The following FAR2 variants were observed in gnomAD, a reference collection of about 807,000 sequenced individuals.
FAR2 encodes the protein epididymis secretory protein Li 81.
Under a neutral mutation model 56.0 loss-of-function variants are expected in FAR2, and 19 were observed. The ratio of observed to expected loss-of-function variants is 0.34; its 90% CI spans 0.24 to 0.50. The LOEUF (loss-of-function observed/expected upper bound fraction) is 0.50. Among genes scored for constraint, FAR2 ranks in the 20% least tolerant of loss-of-function variants. The pLI is 0.98. For missense variants in FAR2, 508 were observed against 642.2 expected, an observed-to-expected ratio of 0.79 and a Z score of 2.26; for synonymous variants, 219 against 218.8, an observed-to-expected ratio of 1.00 and a Z score of -0.01.
chr12:29,248,459 G>A, intron 1 of FAR2, among the ~76,000 whole-genome samples: 2 of 152,164 alleles, frequency 1.3e-5, no homozygotes. Context: ...AGGGGAGGGA[G>A]TGTGCAAATA....
At chr12:29,185,033 T>C (rs549929206) in intron 1 of FAR2, among the ~76,000 whole-genome samples, 3 of 152,342 alleles carry the variant, frequency 2.0e-5, no homozygotes, top group South Asian at 2.1e-4. Context: ...GTCTGTTTCA[T>C]AGGGTTCTTT....
intron 1 of FAR2, among the ~76,000 whole-genome samples, chr12:29,204,890 T>A (rs1049595439): frequency 3.3e-5 from 5 of 152,004 alleles, no homozygotes; most frequent in Admixed American, 2.6e-4. Flanking sequence ...TCATGAGAAC[T>A]TCACTCCCAT....
chr12:29,251,561 G>C (rs975647081), intron 1 of FAR2, among the ~76,000 whole-genome samples: 2 of 152,110 alleles, frequency 1.3e-5, no homozygotes, highest in Admixed American at 6.6e-5. Flanking sequence ...CCCCTAACCT[G>C]TACTGTGGTC....
chr12:29,229,643 A>T (rs1242980931), intron 1 of FAR2, among the ~76,000 whole-genome samples: 1 of 152,230 alleles, frequency 6.6e-6, no homozygotes, highest in African/African-American at 2.4e-5. Flanking sequence ...CTTTCAGAGG[A>T]AACCATGATG....
chr12:29,307,746 G>A lies in FAR2; in HGVS notation c.634G>A (p.Glu212Lys), dbSNP rs747351921. The A allele has an allele frequency of 6.2e-7, 1 of 1,613,854 alleles. No homozygotes were observed. Among genetic ancestry groups the A allele is most frequent in the Non-Finnish European group, 8.5e-7 (1 of 1,179,920 alleles). ...TTATACCTACACCAAGGCCTTGGGA[G>A]AAATGGTGGTGCAGCAAGAGAGCAG... is the stretch of plus-strand genomic sequence containing the variant. ...NIYTYTKALG[E>K]MVVQQESRNL... The change falls in exon 5 of 12, where the codon GAA (glutamate) becomes AAA (lysine). Residue 212 changes from glutamate to lysine, a missense_variant. Coordinates refer to ENST00000536681, the MANE Select transcript of FAR2 (RefSeq NM_001271783.2).
intron 1 of FAR2, among the ~76,000 whole-genome samples, chr12:29,237,788 G>A (rs1164997939): frequency 1.3e-5 from 2 of 152,164 alleles, no homozygotes; most frequent in Non-Finnish European, 2.9e-5. Flanking sequence ...ATTTTCAAAT[G>A]AAAATTAGAG....
intron 1 of FAR2, among the ~76,000 whole-genome samples, chr12:29,204,173 G>T (rs1366481811): frequency 6.6e-6 from 1 of 152,028 alleles, no homozygotes; most frequent in Non-Finnish European, 1.5e-5. Context: ...AAGTGGGAAA[G>T]ATGTCTGCGT....
intron 1 of FAR2, among the ~76,000 whole-genome samples, chr12:29,252,120 T>A (rs892958840): frequency 1.3e-5 from 2 of 152,176 alleles, no homozygotes; most frequent in East Asian, 3.8e-4. Flanking sequence ...TTACTATTAC[T>A]GGGTTGGGGT....
chr12:29,308,711 C>CATATATATATATATATAT (rs1428729903), intron 5 of FAR2, among the ~76,000 whole-genome samples: 2 of 109,796 alleles, frequency 1.8e-5, no homozygotes, highest in African/African-American at 7.6e-5. Context: ...CACACACACA[C>CATATATATATATATATAT]ACACACACAT....
chr12:29,222,381 A>G (rs1947706142), intron 1 of FAR2, among the ~76,000 whole-genome samples: 1 of 152,202 alleles, frequency 6.6e-6, no homozygotes, highest in Admixed American at 6.5e-5. Flanking sequence ...AGACTATTGC[A>G]ATAGGGGTCA....
intron 1 of FAR2, among the ~76,000 whole-genome samples, chr12:29,161,889 A>G (rs1949784568): frequency 6.6e-6 from 1 of 151,268 alleles, no homozygotes; most frequent in Non-Finnish European, 1.5e-5. Context: ...AAGATTGAGC[A>G]CCTTTCTATA....
rs79717183 is a variant in FAR2 at position 29,275,626 on chromosome 12, C to T, written c.189+4988C>T. ...GTTTTTCGATGGGAGCCTCCAATCACCCCTGCTTCTAGTAGGCCATCTTGG... is the reference window on the plus strand; with the variant it reads ...GTTTTTCGATGGGAGCCTCCAATCATCCCTGCTTCTAGTAGGCCATCTTGG... On this transcript the variant is annotated intron_variant, in intron 2 of 11. Coordinates refer to ENST00000536681, the MANE Select transcript of FAR2 (RefSeq NM_001271783.2). Among the ~76,000 whole-genome samples the T allele has an allele frequency of 3.2e-4, 48 of 152,252 alleles. No individual in the cohort carries two copies. The East Asian group carries it at 8.3e-3, about 26-fold the overall frequency.
intron 1 of FAR2, among the ~76,000 whole-genome samples, chr12:29,158,142 A>G (rs2136575033): frequency 6.6e-6 from 1 of 152,370 alleles, no homozygotes; most frequent in South Asian, 2.1e-4. Context: ...ATATTAAGTA[A>G]ATATTAATGA....
chr12:29,164,418 A>G (rs904790109), intron 1 of FAR2, among the ~76,000 whole-genome samples: 4 of 152,132 alleles, frequency 2.6e-5, no homozygotes, highest in African/African-American at 9.7e-5. Context: ...CGGATGAGCT[A>G]GCTTCCTCTC....
At chr12:29,220,270 A>C (rs1295791552) in intron 1 of FAR2, among the ~76,000 whole-genome samples, 7 of 152,200 alleles carry the variant, frequency 4.6e-5, no homozygotes, top group African/African-American at 1.7e-4. Context: ...ATAGATTTAG[A>C]GCATCACCCA....
intron 9 of FAR2, 125 bp from the exon 10 acceptor site, chr12:29,321,670 T>A: frequency 8.8e-7 from 1 of 1,130,366 alleles, no homozygotes; most frequent in East Asian, 2.8e-5. Context: ...AGAAGAAGAA[T>A]TTTAATGAGG....
chr12:29,263,497 AT>A (rs1948460559), intron 1 of FAR2, among the ~76,000 whole-genome samples: 1 of 152,042 alleles, frequency 6.6e-6, no homozygotes, highest in Non-Finnish European at 1.5e-5. Context: ...AACAAGACCA[AT>A]TTTGGAAACT....
intron 1 of FAR2, among the ~76,000 whole-genome samples, chr12:29,194,088 C>T (rs1396714765): frequency 6.6e-6 from 1 of 152,082 alleles, no homozygotes; most frequent in East Asian, 1.9e-4. Flanking sequence ...AACCATTGAC[C>T]CCTGCAGACA....
chr12:29,224,974 C>G (rs1358164412), intron 1 of FAR2, among the ~76,000 whole-genome samples: 1 of 152,154 alleles, frequency 6.6e-6, no homozygotes, highest in Non-Finnish European at 1.5e-5. Flanking sequence ...ATCCTAACAC[C>G]TTGGGAGGCC....
Sources: gnomAD v4.1 joint callset for allele counts (sites outside exome capture counted in the v4.1 genomes callset) on GRCh38, gnomAD v4.1.1 for gene constraint, MANE v1.5 for transcripts, NCBI Gene and HGNC (gene_info 2026-07-23, HGNC 2026-07-21) for gene names.